Variants in USP34 observed in about 807,000 individuals in gnomAD.
USP34 encodes ubiquitin specific peptidase 34, also known as ubiquitin carboxyl-terminal hydrolase 34.
USP34 carries 70 observed loss-of-function variants against 460.3 expected under a neutral mutation model. That is an observed-to-expected ratio of 0.15 (90% confidence interval 0.13 to 0.19). The LOEUF (loss-of-function observed/expected upper bound fraction) is 0.19, where lower values mean the gene tolerates loss of function less well. Among genes scored for constraint, USP34 ranks in the 10% least tolerant of loss-of-function variants. The probability of loss-of-function intolerance (pLI) is 1.00; values close to 1 mark genes in which losing one functional copy is unlikely to be tolerated. For missense variants in USP34, 3,985 were observed against 4,236.2 expected, an observed-to-expected ratio of 0.94 and a Z score of 1.65; for synonymous variants, 1,647 against 1,405.3, an observed-to-expected ratio of 1.17 and a Z score of -3.85.
chr2:61,440,516 A>T (rs532463147), intron 1 of USP34, among the ~76,000 whole-genome samples: 1 of 150,558 alleles, frequency 6.6e-6, no homozygotes, highest in Non-Finnish European at 1.5e-5. Flanking sequence ...TGCCCTTTTT[A>T]AATTTTTTTT....
At position 61,470,750 on chromosome 2, in the gene USP34, G is replaced by C; in HGVS notation, c.-58C>G. The C allele has an allele frequency of 2.0e-6, 3 of 1,482,642 alleles. No individual in the cohort carries two copies. Among genetic ancestry groups the C allele is most frequent in the Non-Finnish European group, 2.8e-6 (3 of 1,086,972 alleles). The allele number at this position is 1,482,642 out of a possible 1,614,324, so 91.8% of individuals were successfully genotyped here. A position where few individuals can be genotyped will look rare whatever the true frequency, so the allele number is the denominator to read the frequency against. The stretch of plus-strand genomic sequence containing the variant: ...CGGATCACACTGACTGATCCCGACC[G>C]GCGGGGGGGAGGGGAGAGAGGCGGA... On this transcript the variant is annotated 5_prime_UTR_variant, in exon 1 of 80. Coordinates refer to ENST00000398571, the MANE Select transcript of USP34 (RefSeq NM_014709.4).
intron 48 of USP34, among the ~76,000 whole-genome samples, chr2:61,254,871 A>G (rs1688683631): frequency 6.6e-6 from 1 of 152,142 alleles, no homozygotes; most frequent in Non-Finnish European, 1.5e-5. Context: ...TTTTTGAGAT[A>G]GGTTCTCAAT....
rs544521144 is a variant in USP34, at chr2:61,419,217, C to T, written c.131+1529G>A. On this transcript the variant is annotated intron_variant, in intron 2 of 79. Coordinates refer to ENST00000398571, the MANE Select transcript of USP34 (RefSeq NM_014709.4). ...TTTTTTTTAAATAGAGATGGGGTCTCGCCCTGTAGCCCAGGCTGGTCTCGA... is the reference window on the plus strand; with the variant it reads ...TTTTTTTTAAATAGAGATGGGGTCTTGCCCTGTAGCCCAGGCTGGTCTCGA... Among the ~76,000 whole-genome samples, 145 of 152,042 alleles carry T rather than the reference C, an allele frequency of 9.5e-4. 1 individual carries two copies. Among genetic ancestry groups the T allele is most frequent in the African/African-American group, 3.5e-3 (144 of 41,460 alleles).
chr2:61,251,847 C>G (rs1688591408), intron 48 of USP34, among the ~76,000 whole-genome samples: 1 of 151,768 alleles, frequency 6.6e-6, no homozygotes, highest in African/African-American at 2.4e-5. Flanking sequence ...ACATTTTTTT[C>G]TTTCTACAGC....
Position 61,387,667 on chromosome 2 carries a change from A to G in USP34, c.754-4331T>C, listed in dbSNP as rs187152935. Reference sequence around the variant, plus strand: ...ATAAAAATATATATTTTACATATGCACACATGTAAAAATATATTTTTACAT... The same window carrying G: ...ATAAAAATATATATTTTACATATGCGCACATGTAAAAATATATTTTTACAT... On this transcript the variant is annotated intron_variant, in intron 5 of 79. Coordinates refer to ENST00000398571, the MANE Select transcript of USP34 (RefSeq NM_014709.4). 9.0e-3 allele frequency among the ~76,000 whole-genome samples: 1,298 copies of G among 143,676 alleles called. 19 individuals are homozygous for G. The highest frequency in any genetic ancestry group is 0.03 in the African/African-American group (1,221 of 40,048). 94.3% of individuals were successfully genotyped at this position (143,676 alleles called of 152,430 possible). A position where few individuals can be genotyped will look rare whatever the true frequency, so the allele number is the denominator to read the frequency against.
chr2:61,295,427 A>G, intron 30 of USP34, 137 bp from the exon 31 acceptor site: 1 of 951,422 alleles, frequency 1.1e-6, no homozygotes, highest in Non-Finnish European at 1.4e-6. Flanking sequence ...TATGAAGACT[A>G]GGTATATAAC....
At chr2:61,401,708 CCTG>C (rs1182148277) in intron 3 of USP34, among the ~76,000 whole-genome samples, 7 of 148,308 alleles carry the variant, frequency 4.7e-5, no homozygotes, top group Non-Finnish European at 7.5e-5. Flanking sequence ...GCTACCACGC[CCTG>C]CTAATTTTTT....
At chr2:61,251,592 A>T (rs1688583805) in intron 48 of USP34, among the ~76,000 whole-genome samples, 1 of 152,206 alleles carries the variant, frequency 6.6e-6, no homozygotes, top group African/African-American at 2.4e-5. Flanking sequence ...TTGGATGATG[A>T]GTCAGCTGCT....
At chr2:61,367,458 A>G (rs910795265) in intron 10 of USP34, among the ~76,000 whole-genome samples, 2 of 152,202 alleles carry the variant, frequency 1.3e-5, no homozygotes, top group African/African-American at 4.8e-5. Context: ...AGCCTAGGTG[A>G]GGGCTGGAGA....
intron 2 of USP34, among the ~76,000 whole-genome samples, chr2:61,409,559 C>G (rs938348524): frequency 3.9e-5 from 6 of 151,984 alleles, no homozygotes; most frequent in African/African-American, 1.4e-4. Context: ...ACTAAAAATA[C>G]AAAAATTAGC....
At chr2:61,251,966 T>TA (rs1236477329) in intron 48 of USP34, among the ~76,000 whole-genome samples, 181 of 144,502 alleles carry the variant, frequency 1.3e-3, no homozygotes, top group East Asian at 1.6e-3. Flanking sequence ...TTAATTTGTT[T>TA]AAAAAAAAAA....
intron 1 of USP34, among the ~76,000 whole-genome samples, chr2:61,445,048 A>G (rs999430345): frequency 6.6e-6 from 1 of 151,960 alleles, no homozygotes; most frequent in Non-Finnish European, 1.5e-5. Context: ...TGGTTTGAAG[A>G]AGCAATAGTA....
intron 29 of USP34, among the ~76,000 whole-genome samples, chr2:61,298,779 T>A (rs986491576): frequency 2.0e-5 from 3 of 146,650 alleles, no homozygotes. Context: ...AATGATGGAT[T>A]AAAAAAAAAA....
At chr2:61,315,918 G>C (rs1690729188) in intron 23 of USP34, among the ~76,000 whole-genome samples, 1 of 151,990 alleles carries the variant, frequency 6.6e-6, no homozygotes, top group South Asian at 2.1e-4. Flanking sequence ...TATCATAGTG[G>C]GCCGTGTGGA....
chr2:61,264,521 G>A (rs973917630), intron 43 of USP34, among the ~76,000 whole-genome samples: 2 of 151,836 alleles, frequency 1.3e-5, no homozygotes, highest in Admixed American at 6.6e-5. Context: ...TATGCCTGCA[G>A]TCCCAGTTAC....
chr2:61,220,338 C>G lies in USP34; in HGVS notation c.8019G>C (p.Leu2673Phe). ...NMENWVERFL[L>F]AHNYPRVRTS... Reference sequence around the variant, plus strand: ...TCCTCACTCTAGGATAATTGTGAGCCAAAAGAAACCGCTCGACCCAGTTTT... The same window carrying G: ...TCCTCACTCTAGGATAATTGTGAGCGAAAAGAAACCGCTCGACCCAGTTTT... Residue 2673 changes from leucine (L) to phenylalanine (F), a missense_variant, in exon 67 of 80, where the codon TTG becomes TTC. Physicochemically the swap from Leu to Phe is conservative, Grantham distance 22. Around this residue, in one of 14 missense-constraint regions of USP34, gnomAD observed 604 missense variants for 684.8 expected, o/e 0.88. Coordinates refer to ENST00000398571, the MANE Select transcript of USP34 (RefSeq NM_014709.4). 6.2e-7 allele frequency: 1 copy of G among 1,613,416 alleles called. No individual in the cohort carries two copies. Among genetic ancestry groups the G allele is most frequent in the Non-Finnish European group, 8.5e-7 (1 of 1,179,718 alleles).
In USP34 at chr2:61,223,048, C is replaced by T; in HGVS notation, c.7749+12G>A. On this transcript the variant is annotated intron_variant, in intron 64 of 79. Coordinates refer to ENST00000398571, the MANE Select transcript of USP34 (RefSeq NM_014709.4). The stretch of plus-strand genomic sequence containing the variant: ...TTTCCAAAAATCTTTAAGACTGTTC[C>T]TTAGCACTTACATGTTCTGCAAGTC... The T allele has an allele frequency of 6.2e-7, 1 of 1,605,748 alleles. No homozygotes were observed. Among genetic ancestry groups the T allele is most frequent in the East Asian group, 2.2e-5 (1 of 44,804 alleles).
At chr2:61,351,318 G>T (rs1691936295) in intron 10 of USP34, among the ~76,000 whole-genome samples, 1 of 151,830 alleles carries the variant, frequency 6.6e-6, no homozygotes, top group South Asian at 2.1e-4. Flanking sequence ...TATTTTACTG[G>T]AGTACACAAC....
At chr2:61,392,781 C>T (rs1028188400) in intron 5 of USP34, among the ~76,000 whole-genome samples, 2 of 152,106 alleles carry the variant, frequency 1.3e-5, no homozygotes, top group Non-Finnish European at 2.9e-5. Flanking sequence ...ATGTAATATT[C>T]CTGATTAAGT....
Sources: gnomAD v4.1 joint callset for allele counts (sites outside exome capture counted in the v4.1 genomes callset) on GRCh38, gnomAD v4.1.1 for gene constraint, gnomAD v4.1.1 regional missense constraint, MANE v1.5 for transcripts, NCBI Gene and HGNC (gene_info 2026-07-23, HGNC 2026-07-21) for gene names.